Variants in KCNAB1 observed in about 807,000 individuals in gnomAD.
The protein encoded by KCNAB1 is voltage-gated potassium channel subunit beta-1.
KCNAB1 carries 35 observed loss-of-function variants against 64.6 expected under a neutral mutation model. The ratio of observed to expected loss-of-function variants is 0.54; its 90% CI spans 0.41 to 0.72. KCNAB1 has a LOEUF of 0.72. Ranked by LOEUF, KCNAB1 falls within the 30% of genes least tolerant of loss-of-function variation. KCNAB1 has a pLI of 0.00. For synonymous variants in KCNAB1, 177 were observed against 183.8 expected, an observed-to-expected ratio of 0.96 and a Z score of 0.30; for missense variants, 401 against 512.9, an observed-to-expected ratio of 0.78 and a Z score of 2.11.
At chr3:156,246,880 T>G (rs1717488616) in intron 1 of KCNAB1, among the ~76,000 whole-genome samples, 1 of 152,216 alleles carries the variant, frequency 6.6e-6, no homozygotes, top group Admixed American at 6.5e-5. Context: ...ACTTTTTTTG[T>G]GTAAGTGCTC....
At chr3:156,398,917 T>A (rs539186176) in intron 1 of KCNAB1, among the ~76,000 whole-genome samples, 2 of 152,358 alleles carry the variant, frequency 1.3e-5, no homozygotes, top group East Asian at 3.9e-4. Flanking sequence ...GTTTCAGGAC[T>A]GAGCAGCCAC....
chr3:156,360,988 G>A (rs1725572439), intron 1 of KCNAB1, among the ~76,000 whole-genome samples: 1 of 152,114 alleles, frequency 6.6e-6, no homozygotes, highest in Non-Finnish European at 1.5e-5. Flanking sequence ...AGCAGCCAGT[G>A]ATACTTTTTT....
intron 1 of KCNAB1, among the ~76,000 whole-genome samples, chr3:156,216,657 G>C (rs1715340274): frequency 6.6e-6 from 1 of 152,138 alleles, no homozygotes; most frequent in African/African-American, 2.4e-5. Context: ...GGGTGGGATG[G>C]GGGCAAGAGG....
chr3:156,187,245 C>A (rs1713260633), intron 1 of KCNAB1, among the ~76,000 whole-genome samples: 1 of 152,148 alleles, frequency 6.6e-6, no homozygotes, highest in African/African-American at 2.4e-5. Context: ...GCTTGGCTGG[C>A]TTTCTTTTCC....
chr3:156,316,947 C>A (rs1028235244), intron 1 of KCNAB1, among the ~76,000 whole-genome samples: 2 of 152,078 alleles, frequency 1.3e-5, no homozygotes, highest in African/African-American at 4.8e-5. Context: ...CACACAAACC[C>A]CGTCTCAGGG....
At chr3:156,443,073 T>C (rs1371331474) in intron 2 of KCNAB1, among the ~76,000 whole-genome samples, 3 of 152,178 alleles carry the variant, frequency 2.0e-5, no homozygotes, top group Admixed American at 1.3e-4. Context: ...CCGGGATACA[T>C]GTGCAAGATG....
chr3:156,229,226 CA>C (rs1716370737), intron 1 of KCNAB1, among the ~76,000 whole-genome samples: 1 of 152,200 alleles, frequency 6.6e-6, no homozygotes, highest in Non-Finnish European at 1.5e-5. Flanking sequence ...CGTGGTTCTG[CA>C]GGCTGTACAG....
At chr3:156,416,238 C>T (rs1344749927) in intron 1 of KCNAB1, among the ~76,000 whole-genome samples, 1 of 152,212 alleles carries the variant, frequency 6.6e-6, no homozygotes, top group African/African-American at 2.4e-5. Flanking sequence ...TCTTCCATTA[C>T]TCCATATTAA....
At chr3:156,509,143 G>A (rs12492343) in intron 8 of KCNAB1, among the ~76,000 whole-genome samples, 36,053 of 151,902 alleles carry the variant, frequency 0.24, 4,536 homozygotes, top group South Asian at 0.34. Context: ...GTTTGCTTAT[G>A]TACTAAGGCA....
At chr3:156,244,564 C>G (rs1717347055) in intron 1 of KCNAB1, among the ~76,000 whole-genome samples, 1 of 152,206 alleles carries the variant, frequency 6.6e-6, no homozygotes, top group Non-Finnish European at 1.5e-5. Flanking sequence ...TCTGAGTCTT[C>G]TCTTCCAGAT....
chr3:156,275,631 C>T (rs1446924192), intron 1 of KCNAB1, among the ~76,000 whole-genome samples: 3 of 152,166 alleles, frequency 2.0e-5, no homozygotes, highest in Non-Finnish European at 2.9e-5. Flanking sequence ...CATTTGTTGT[C>T]ATTTCAAGAA....
intron 1 of KCNAB1, among the ~76,000 whole-genome samples, chr3:156,224,129 G>C (rs758010787): frequency 1.4e-4 from 21 of 152,230 alleles, no homozygotes; most frequent in Non-Finnish European, 2.8e-4. Context: ...AGCACTGCTG[G>C]GGGACCCGGC....
chr3:156,320,744 G>A (rs1235978298), intron 1 of KCNAB1, among the ~76,000 whole-genome samples: 1 of 152,108 alleles, frequency 6.6e-6, no homozygotes, highest in Non-Finnish European at 1.5e-5. Flanking sequence ...CTGTCCAGTG[G>A]GCTTTGGGAA....
chr3:156,168,907 A>C (rs1402474520), intron 1 of KCNAB1, among the ~76,000 whole-genome samples: 5 of 152,182 alleles, frequency 3.3e-5, no homozygotes. Context: ...TTCTGTAAAA[A>C]TCTTGTTGAA....
At chr3:156,251,774 T>C (rs563854879) in intron 1 of KCNAB1, among the ~76,000 whole-genome samples, 1 of 152,330 alleles carries the variant, frequency 6.6e-6, no homozygotes, top group East Asian at 1.9e-4. Flanking sequence ...AGAATTTTCA[T>C]AGGTATGCTC....
intron 13 of KCNAB1, among the ~76,000 whole-genome samples, chr3:156,532,815 A>C (rs1464485449): frequency 1.3e-5 from 2 of 152,234 alleles, no homozygotes; most frequent in Non-Finnish European, 2.9e-5. Flanking sequence ...AAGGGTACAC[A>C]GTGATGAGGG....
Position 156,452,764 on chromosome 3 carries a change from G to A in KCNAB1, c.320-135G>A. 1 of 625,596 alleles carries A rather than the reference G, an allele frequency of 1.6e-6. No individual in the cohort carries two copies. Among genetic ancestry groups the A allele is most frequent in the Non-Finnish European group, 2.9e-6 (1 of 348,812 alleles). The allele number at this position is 625,596 out of a possible 1,614,324, so 38.8% of individuals were successfully genotyped here. A position where few individuals can be genotyped will look rare whatever the true frequency, so the allele number is the denominator to read the frequency against. ...AGACCAACTAGACCACAGCCCACATGTGCCCCTCATCCAGGTACCTTTGTG... is the reference window on the plus strand; with the variant it reads ...AGACCAACTAGACCACAGCCCACATATGCCCCTCATCCAGGTACCTTTGTG... On this transcript the variant is annotated intron_variant, in intron 2 of 13. Coordinates refer to ENST00000490337, the MANE Select transcript of KCNAB1 (RefSeq NM_172160.3). The surrounding 1 kb of genome is among the most constrained non-coding windows in gnomAD (Gnocchi z 4.6).
At chr3:156,312,748 T>A (rs1401514023) in intron 1 of KCNAB1, among the ~76,000 whole-genome samples, 2 of 136,340 alleles carry the variant, frequency 1.5e-5, no homozygotes, top group Non-Finnish European at 3.2e-5. Flanking sequence ...ATAATGAAAT[T>A]AGTTCTATGT....
chr3:156,421,965 G>A (rs974910557), intron 2 of KCNAB1, among the ~76,000 whole-genome samples: 1 of 152,100 alleles, frequency 6.6e-6, no homozygotes, highest in African/African-American at 2.4e-5. Context: ...TGCATGGCAT[G>A]CATTTTATAG....
Sources: gnomAD v4.1 joint callset for allele counts (sites outside exome capture counted in the v4.1 genomes callset) on GRCh38, gnomAD v4.1.1 for gene constraint, Gnocchi (gnomAD v3.1) non-coding constraint, MANE v1.5 for transcripts, NCBI Gene and HGNC (gene_info 2026-07-23, HGNC 2026-07-21) for gene names.